The following DLG2 variants were observed in gnomAD, a reference collection of about 807,000 sequenced individuals.
The protein encoded by DLG2 is discs large MAGUK scaffold protein 2.
Under a neutral mutation model 132.5 loss-of-function variants are expected in DLG2, and 45 were observed. That is an observed-to-expected ratio of 0.34 (90% CI 0.27 to 0.44). DLG2 has a LOEUF of 0.44. Among genes scored for constraint, DLG2 ranks in the 20% least tolerant of loss-of-function variants. The pLI, the probability that DLG2 is intolerant of heterozygous loss-of-function variation, is 1.00. For synonymous variants in DLG2, 424 were observed against 419.6 expected (o/e 1.01, Z -0.13); for missense variants, 1,045 against 1,196.9 (o/e 0.87, Z 1.87).
At chr11:84,979,550 C>A (rs1008665606) in intron 6 of DLG2, among the ~76,000 whole-genome samples, 29 of 151,996 alleles carry the variant, frequency 1.9e-4, no homozygotes, top group Non-Finnish European at 3.5e-4. Context: ...AGCAAACTAT[C>A]GCAAGGACAA....
At position 84,051,522 on chromosome 11, in the gene DLG2, G is replaced by C. The variant is rs572214933; in HGVS notation, c.919+7793C>G. 3.1e-3 allele frequency among the ~76,000 whole-genome samples: 469 copies of C among 150,376 alleles called. 2 individuals are homozygous for C. The highest frequency in any genetic ancestry group is 0.011 in the African/African-American group (457 of 40,898). ...CATCATTCTCAGCAAACTATCGCAAGGACAAAATACCAAACACTGCATGTT... is the reference window on the plus strand; with the variant it reads ...CATCATTCTCAGCAAACTATCGCAACGACAAAATACCAAACACTGCATGTT... On this transcript the variant is annotated intron_variant, in intron 11 of 27. Coordinates refer to ENST00000376104, the MANE Select transcript of DLG2 (RefSeq NM_001142699.3).
intron 19 of DLG2, among the ~76,000 whole-genome samples, chr11:83,604,273 G>A (rs935376254): frequency 2.0e-5 from 3 of 152,150 alleles, no homozygotes; most frequent in African/African-American, 4.8e-5. Context: ...TTATTCATAA[G>A]AGATTCCACC....
intron 2 of DLG2, among the ~76,000 whole-genome samples, chr11:85,622,104 A>G (rs1324938312): frequency 6.6e-6 from 1 of 152,240 alleles, no homozygotes; most frequent in African/African-American, 2.4e-5. Flanking sequence ...CAAAAAGATT[A>G]CTACTCGCTA....
Position 84,506,079 on chromosome 11 carries a change from C to CTTTTTTTTTTTTTTTT in DLG2, c.519+28490_519+28491insAAAAAAAAAAAAAAAA, listed in dbSNP as rs779039240. 2.1e-3 allele frequency among the ~76,000 whole-genome samples: 220 copies of CTTTTTTTTTTTTTTTT among 106,996 alleles called. 43 individuals are homozygous for CTTTTTTTTTTTTTTTT. Among genetic ancestry groups the CTTTTTTTTTTTTTTTT allele is most frequent in the Middle Eastern group, 9.4e-3 (2 of 212 alleles). The allele number at this position is 106,996 out of a possible 152,430, so 70.2% of individuals were successfully genotyped here. On this transcript the variant is annotated intron_variant, in intron 7 of 27. Coordinates refer to ENST00000376104, the MANE Select transcript of DLG2 (RefSeq NM_001142699.3). ...CTAATGTTATGACAGAGGCTCAGTT[C>CTTTTTTTTTTTTTTTT]TTTTTTTTTTTTTTGAGACGGAGTC...
chr11:85,406,377 G>A (rs2088736709), intron 3 of DLG2, among the ~76,000 whole-genome samples: 1 of 151,802 alleles, frequency 6.6e-6, no homozygotes, highest in Non-Finnish European at 1.5e-5. Context: ...AGCATTGTAG[G>A]GAAGTGGAGG....
At chr11:84,864,239 C>T (rs534775456) in intron 6 of DLG2, among the ~76,000 whole-genome samples, 11 of 152,242 alleles carry the variant, frequency 7.2e-5, no homozygotes, top group African/African-American at 2.6e-4. Flanking sequence ...TAGTCCCCAC[C>T]TATTTCCCTT....
At chr11:84,727,977 CT>C (rs1395195381) in intron 6 of DLG2, among the ~76,000 whole-genome samples, 1 of 152,154 alleles carries the variant, frequency 6.6e-6, no homozygotes, top group East Asian at 1.9e-4. Context: ...TGCTTATCAG[CT>C]TAAGGAGATT....
At chr11:83,491,115 A>ATGTT (rs3039334) in intron 21 of DLG2, among the ~76,000 whole-genome samples, 1 of 150,500 alleles carries the variant, frequency 6.6e-6, no homozygotes, top group African/African-American at 2.4e-5. Context: ...AGCAGGAAAA[A>ATGTT]TGTTTGTTTC....
chr11:83,472,819 A>G (rs1208344553), intron 22 of DLG2, 42 bp from the exon 23 acceptor site: 2 of 1,545,758 alleles, frequency 1.3e-6, no homozygotes, highest in East Asian at 4.5e-5. Context: ...ACTAACAGTC[A>G]TATATTACAG....
At chr11:84,611,020 G>GACACACAC (rs1377191854) in intron 6 of DLG2, among the ~76,000 whole-genome samples, 22 of 71,932 alleles carry the variant, frequency 3.1e-4, no homozygotes, top group African/African-American at 1.0e-3. Flanking sequence ...TCTGTTAGAT[G>GACACACAC]ACATACACAC....
chr11:84,847,970 C>T (rs919056891), intron 6 of DLG2, among the ~76,000 whole-genome samples: 2 of 152,102 alleles, frequency 1.3e-5, no homozygotes, highest in East Asian at 1.9e-4. Flanking sequence ...GGGTCTCCAA[C>T]TCCCTAGAGA....
At chr11:85,530,266 G>A (rs911496411) in intron 3 of DLG2, among the ~76,000 whole-genome samples, 1 of 151,508 alleles carries the variant, frequency 6.6e-6, no homozygotes, top group Non-Finnish European at 1.5e-5. Context: ...AAAGTGCTGG[G>A]ATTACAAGTG....
At chr11:83,775,242 C>T (rs1477454418) in intron 18 of DLG2, among the ~76,000 whole-genome samples, 1 of 152,144 alleles carries the variant, frequency 6.6e-6, no homozygotes, top group Admixed American at 6.5e-5. Flanking sequence ...TTTGGTTTCT[C>T]CACACCCATT....
At chr11:85,217,641 A>G (rs1041960942) in intron 4 of DLG2, among the ~76,000 whole-genome samples, 2 of 152,186 alleles carry the variant, frequency 1.3e-5, no homozygotes, top group African/African-American at 2.4e-5. Flanking sequence ...TTCCTATGCA[A>G]CATACTCCAG....
chr11:84,847,565 G>A (rs1304256826), intron 6 of DLG2, among the ~76,000 whole-genome samples: 2 of 152,156 alleles, frequency 1.3e-5, no homozygotes, highest in African/African-American at 2.4e-5. Context: ...CTAGGTTGGA[G>A]AAGAAAACCA....
At chr11:84,691,473 A>T (rs1293383960) in intron 6 of DLG2, among the ~76,000 whole-genome samples, 1 of 151,916 alleles carries the variant, frequency 6.6e-6, no homozygotes, top group Non-Finnish European at 1.5e-5. Flanking sequence ...AACTTAAAAA[A>T]ACTATGTTAA....
At chr11:84,907,328 A>T (rs1162860363) in intron 6 of DLG2, among the ~76,000 whole-genome samples, 1 of 152,198 alleles carries the variant, frequency 6.6e-6, no homozygotes, top group African/African-American at 2.4e-5. Context: ...TATATATGTA[A>T]AGAAAGAGAA....
chr11:84,777,420 G>T (rs986655283), intron 6 of DLG2, among the ~76,000 whole-genome samples: 2 of 149,834 alleles, frequency 1.3e-5, no homozygotes, highest in African/African-American at 4.9e-5. Flanking sequence ...AACAGTGTAG[G>T]TATCTTTTTG....
At chr11:84,798,351 T>C (rs994604664) in intron 6 of DLG2, among the ~76,000 whole-genome samples, 2 of 152,146 alleles carry the variant, frequency 1.3e-5, no homozygotes, top group Non-Finnish European at 1.5e-5. Context: ...TTCCTGGTAT[T>C]CTATTCTACT....
Sources: allele counts gnomAD v4.1 joint callset (sites outside exome capture counted in the v4.1 genomes callset), GRCh38; gene constraint gnomAD v4.1.1; transcripts MANE v1.5; gene names NCBI Gene and HGNC (gene_info 2026-07-23, HGNC 2026-07-21).